DNAI4: variants seen among roughly 807,000 people sequenced by gnomAD.
DNAI4 encodes the protein WD repeat domain 78.
Under a neutral mutation model 105.8 loss-of-function variants are expected in DNAI4, and 85 were observed. The ratio of observed to expected loss-of-function variants is 0.80; its 90% confidence interval spans 0.67 to 0.96. DNAI4 has a LOEUF of 0.96. Among genes scored for constraint, DNAI4 ranks in the 40% least tolerant of loss-of-function variants. DNAI4 has a pLI of 0.00. For missense variants in DNAI4, 1,014 were observed against 1,005.6 expected (o/e 1.01, Z -0.11); for synonymous variants, 352 against 331.5 (o/e 1.06, Z -0.67).
At chr1:66,922,852 G>T (rs1283862841) in intron 1 of DNAI4, among the ~76,000 whole-genome samples, 1 of 152,178 alleles carries the variant, frequency 6.6e-6, no homozygotes, top group Non-Finnish European at 1.5e-5. Flanking sequence ...TATAAGTGCA[G>T]GTGTTTTTTC....
In DNAI4 at chr1:66,870,185, T is replaced by G. The variant is rs898527727; in HGVS notation, c.940+1185A>C. The stretch of plus-strand genomic sequence containing the variant: ...ATGGCCAGGCGCGGTGGCTCATGCC[T>G]GGAATCCCAGCACTCTGGGAGGTCG... On this transcript the variant is annotated intron_variant, in intron 6 of 16. Coordinates refer to ENST00000371026, the MANE Select transcript of DNAI4 (RefSeq NM_024763.5). 7.2e-5 allele frequency among the ~76,000 whole-genome samples: 11 copies of G among 152,286 alleles called. 2 individuals carry two copies. Among genetic ancestry groups the G allele is most frequent in the Admixed American group, 1.3e-4 (2 of 15,300 alleles).
intron 8 of DNAI4, among the ~76,000 whole-genome samples, chr1:66,844,473 G>A (rs1389676138): frequency 1.3e-5 from 2 of 152,070 alleles, no homozygotes; most frequent in African/African-American, 2.4e-5. Flanking sequence ...TGAGGTGGGA[G>A]AATCCCTTGA....
intron 10 of DNAI4, 152 bp from the exon 11 acceptor site, chr1:66,835,929 G>GA (rs1645976717): frequency 1.5e-6 from 1 of 662,208 alleles, no homozygotes; most frequent in African/African-American, 1.8e-5. Flanking sequence ...TTCCAGTATA[G>GA]AAAATAATAA....
chr1:66,910,610 CCT>C (rs1417174429), intron 1 of DNAI4, among the ~76,000 whole-genome samples: 1 of 152,258 alleles, frequency 6.6e-6, no homozygotes, highest in African/African-American at 2.4e-5. Flanking sequence ...AGGCGCAGCC[CCT>C]GTGCCTCAGG....
At chr1:66,850,735 AG>A (rs1231201021) in intron 7 of DNAI4, among the ~76,000 whole-genome samples, 1 of 151,984 alleles carries the variant, frequency 6.6e-6, no homozygotes, top group South Asian at 2.1e-4. Flanking sequence ...TGGAATCTAA[AG>A]GGAGGTAAGG....
intron 5 of DNAI4, among the ~76,000 whole-genome samples, chr1:66,872,972 C>A (rs1360086084): frequency 1.3e-5 from 2 of 152,162 alleles, no homozygotes; most frequent in Admixed American, 6.5e-5. Context: ...CTCAGCCTCC[C>A]AAAGTGCTGG....
chr1:66,827,061 A>G lies in DNAI4; in HGVS notation c.2113-15T>C. The G allele has an allele frequency of 6.4e-7, 1 of 1,573,376 alleles. No homozygotes were observed. The highest frequency in any genetic ancestry group is 8.6e-7 in the Non-Finnish European group (1 of 1,157,496). Reference sequence around the variant, plus strand: ...TACACTGGACCCTAGAAATAAAAAAAAAATACATAGGTAAATAATATTTAA... The same window carrying G: ...TACACTGGACCCTAGAAATAAAAAAGAAATACATAGGTAAATAATATTTAA... On this transcript the variant is annotated splice_polypyrimidine_tract_variant and intron_variant, in intron 14 of 16. Transcript: ENST00000371026.
At chr1:66,897,974 G>T (rs552980599) in intron 2 of DNAI4, among the ~76,000 whole-genome samples, 47 of 152,244 alleles carry the variant, frequency 3.1e-4, no homozygotes, top group African/African-American at 1.1e-3. Context: ...AAGCCAGCCT[G>T]GGAGAGCTAT....
intron 1 of DNAI4, among the ~76,000 whole-genome samples, chr1:66,923,664 T>C (rs1200168749): frequency 6.6e-6 from 1 of 151,980 alleles, no homozygotes; most frequent in Non-Finnish European, 1.5e-5. Context: ...TTTGATGGAG[T>C]GGTAGGATGG....
intron 16 of DNAI4, among the ~76,000 whole-genome samples, chr1:66,820,632 C>A (rs147827670): frequency 1.2e-4 from 18 of 151,852 alleles, no homozygotes; most frequent in African/African-American, 3.6e-4. Flanking sequence ...GTTATTTAAA[C>A]AATAAGTCAT....
chr1:66,881,142 G>C (rs530885163), intron 4 of DNAI4, among the ~76,000 whole-genome samples: 288 of 152,368 alleles, frequency 1.9e-3, no homozygotes, highest in South Asian at 0.013. Context: ...CCAGCCAGAA[G>C]TTTGCTGCAG....
chr1:66,893,053 A>AAGAAAGAG lies in DNAI4; in HGVS notation c.530+175_530+176insCTCTTTCT, dbSNP rs1167732856. 5.7e-4 allele frequency among the ~76,000 whole-genome samples: 38 copies of AAGAAAGAG among 66,600 alleles called. 2 individuals carry two copies. The highest frequency in any genetic ancestry group is 2.0e-3 in the African/African-American group (34 of 16,686). 43.7% of individuals were successfully genotyped at this position (66,600 alleles called of 152,430 possible). On this transcript the variant is annotated intron_variant, in intron 3 of 16. Transcript: ENST00000371026. ...AAGAGAGGAAAGAAAGAAAGAAAGA[A>AAGAAAGAG]AGAGAGAGAGAGAAAGAAAGAAAGA... is the stretch of plus-strand genomic sequence containing the variant.
In DNAI4 at chr1:66,893,252, A is replaced by G; in HGVS notation, c.507T>C (p.Pro169=). 1 of 1,594,482 alleles carries G rather than the reference A, an allele frequency of 6.3e-7. No homozygotes were observed. The highest frequency in any genetic ancestry group is 8.5e-7 in the Non-Finnish European group (1 of 1,170,824). ...SYSLYQNTIN[P]STLGQFTRSV... Reference sequence around the variant, plus strand: ...ACCTTGTAAACTGCCCTAACGTACTAGGATTTATTGTATTCTGATAAAGGC... The same window carrying G: ...ACCTTGTAAACTGCCCTAACGTACTGGGATTTATTGTATTCTGATAAAGGC... The change falls in exon 3 of 17, where the codon CCT becomes CCC. Residue 169 remains proline, a synonymous_variant. Transcript: ENST00000371026.
chr1:66,840,231 T>C (rs182281693), intron 9 of DNAI4, among the ~76,000 whole-genome samples: 142 of 152,272 alleles, frequency 9.3e-4, no homozygotes, highest in African/African-American at 3.3e-3. Flanking sequence ...AAAATAAAAA[T>C]GGTAATGTTT....
In DNAI4 at chr1:66,918,173, A is replaced by G. The variant is rs77188458; in HGVS notation, c.170+6489T>C. On this transcript the variant is annotated intron_variant, in intron 1 of 16. Coordinates refer to ENST00000371026, the MANE Select transcript of DNAI4 (RefSeq NM_024763.5). ...GCCTATGTAAAAATTTTCTTGTTGC[A>G]TTGTATAGAAATAATTAGGCCAAGT... 5.5e-3 allele frequency among the ~76,000 whole-genome samples: 839 copies of G among 152,334 alleles called. 6 individuals carry two copies. Among genetic ancestry groups the G allele is most frequent in the Non-Finnish European group, 9.9e-3 (673 of 68,024 alleles).
At chr1:66,816,912 T>C (rs1192155071) in intron 16 of DNAI4, among the ~76,000 whole-genome samples, 1 of 152,124 alleles carries the variant, frequency 6.6e-6, no homozygotes, top group East Asian at 1.9e-4. Context: ...CCAGTCTATA[T>C]TTTATACTTT....
At chr1:66,841,583 G>T (rs565530488) in intron 8 of DNAI4, among the ~76,000 whole-genome samples, 4 of 151,908 alleles carry the variant, frequency 2.6e-5, no homozygotes, top group Non-Finnish European at 5.9e-5. Context: ...TATTTCCCAG[G>T]CTGGTCTTGA....
intron 12 of DNAI4, 94 bp downstream of exon 12, chr1:66,833,897 G>A (rs1318148032): frequency 1.4e-6 from 2 of 1,453,392 alleles, no homozygotes; most frequent in Non-Finnish European, 1.8e-6. Flanking sequence ...TTTCTTATTG[G>A]CCAAACCAAA....
intron 11 of DNAI4, 124 bp downstream of exon 11, chr1:66,835,502 G>A (rs1384722710): frequency 8.9e-6 from 9 of 1,008,924 alleles, no homozygotes; most frequent in African/African-American, 1.6e-5. Flanking sequence ...ATTATGAAAT[G>A]TTTCAAAAAT....
Sources: gnomAD v4.1 joint callset for allele counts (sites outside exome capture counted in the v4.1 genomes callset) on GRCh38, gnomAD v4.1.1 for gene constraint, MANE v1.5 for transcripts, NCBI Gene and HGNC (gene_info 2026-07-23, HGNC 2026-07-21) for gene names.